The following HEATR5B variants were observed in gnomAD, a reference collection of about 807,000 sequenced individuals.
HEATR5B encodes HEAT repeat-containing protein 5B.
A neutral mutation model predicts 224.1 loss-of-function variants in HEATR5B; 156 were observed. The ratio of observed to expected loss-of-function variants is 0.70; its 90% CI spans 0.61 to 0.80. The LOEUF (loss-of-function observed/expected upper bound fraction) is 0.80, where lower values mean the gene tolerates loss of function less well. Among genes scored for constraint, HEATR5B ranks in the 30% least tolerant of loss-of-function variants. HEATR5B has a pLI of 0.00. For missense variants in HEATR5B, 2,323 were observed against 2,535.5 expected (o/e 0.92, Z 1.80); for synonymous variants, 1,027 against 893.0 (o/e 1.15, Z -2.68).
At chr2:36,991,245 G>A (rs1002700262) in intron 33 of HEATR5B, among the ~76,000 whole-genome samples, 1 of 151,940 alleles carries the variant, frequency 6.6e-6, no homozygotes, top group African/African-American at 2.4e-5. Context: ...TAAAAAAATC[G>A]GTTGGGTGCA....
chr2:37,010,990 G>A (rs1191307040), intron 27 of HEATR5B, among the ~76,000 whole-genome samples: 4 of 151,580 alleles, frequency 2.6e-5, no homozygotes, highest in Admixed American at 2.6e-4. Context: ...GAAGTAAAAA[G>A]GTGCTTAAGA....
intron 30 of HEATR5B, 70 bp from the exon 31 acceptor site, chr2:37,003,756 C>A: frequency 2.8e-6 from 3 of 1,074,450 alleles, no homozygotes; most frequent in Non-Finnish European, 3.8e-6. Context: ...TTGTTAAAAT[C>A]TGAGAAAATA....
intron 28 of HEATR5B, among the ~76,000 whole-genome samples, chr2:37,007,896 T>C (rs1245069102): frequency 6.6e-6 from 1 of 152,216 alleles, no homozygotes; most frequent in African/African-American, 2.4e-5. Flanking sequence ...CTCTTCATTG[T>C]TGCCAGTGGC....
At chr2:36,985,654 A>G (rs1665906074) in intron 35 of HEATR5B, among the ~76,000 whole-genome samples, 1 of 121,548 alleles carries the variant, frequency 8.2e-6, no homozygotes, top group African/African-American at 3.3e-5. Context: ...TTCAGTAGAG[A>G]CGGGGTTTCA....
chr2:36,985,445 GTGC>G (rs561944840), intron 35 of HEATR5B, among the ~76,000 whole-genome samples: 141 of 146,672 alleles, frequency 9.6e-4, no homozygotes, highest in Admixed American at 1.6e-3. Flanking sequence ...AATCACGATG[GTGC>G]TTTTTTTTGG....
At chr2:37,025,165 T>C (rs967219462) in intron 24 of HEATR5B, among the ~76,000 whole-genome samples, 4 of 152,072 alleles carry the variant, frequency 2.6e-5, no homozygotes, top group Non-Finnish European at 4.4e-5. Context: ...GCGGTGATGT[T>C]AGAAAGCATC....
intron 3 of HEATR5B, 109 bp downstream of exon 3, chr2:37,079,011 T>C (rs1166837758): frequency 1.3e-5 from 8 of 621,130 alleles, no homozygotes; most frequent in Non-Finnish European, 2.2e-5. Flanking sequence ...GTTAGCAGCA[T>C]GTCGCAGGTT....
chr2:37,056,302 T>C (rs1670908658), intron 16 of HEATR5B, 138 bp downstream of exon 16: 1 of 532,184 alleles, frequency 1.9e-6, no homozygotes, highest in East Asian at 3.3e-5. Flanking sequence ...GTCACTTACA[T>C]TAGTAAATCT....
chr2:37,057,276 T>A (rs1406103408), intron 15 of HEATR5B, 41 bp downstream of exon 15: 8 of 1,465,948 alleles, frequency 5.5e-6, no homozygotes, highest in Non-Finnish European at 7.4e-6. Context: ...GACCATTGTT[T>A]CAGATTAAGT....
intron 21 of HEATR5B, among the ~76,000 whole-genome samples, chr2:37,034,286 G>T (rs1429804661): frequency 6.7e-6 from 1 of 149,396 alleles, no homozygotes; most frequent in Non-Finnish European, 1.5e-5. Context: ...GATTACAGGC[G>T]TGAGCCACCG....
chr2:37,023,248 T>C (rs1296463064), intron 24 of HEATR5B, among the ~76,000 whole-genome samples: 3 of 152,118 alleles, frequency 2.0e-5, no homozygotes, highest in Non-Finnish European at 4.4e-5. Context: ...CAACACAAAT[T>C]ATCTAAAGAA....
At chr2:37,081,282 A>T (rs1186800467) in intron 2 of HEATR5B, among the ~76,000 whole-genome samples, 4 of 152,178 alleles carry the variant, frequency 2.6e-5, no homozygotes, top group African/African-American at 9.7e-5. Context: ...CAGGTTTGCT[A>T]CATATGTATA....
At chr2:37,036,809 G>C (rs571947261) in intron 21 of HEATR5B, among the ~76,000 whole-genome samples, 1 of 152,152 alleles carries the variant, frequency 6.6e-6, no homozygotes, top group South Asian at 2.1e-4. Context: ...ACTGCGCCTG[G>C]CCTTAAATAC....
At chr2:37,064,618 G>A (rs1572921666) in intron 10 of HEATR5B, 122 bp downstream of exon 10, 4 of 923,832 alleles carry the variant, frequency 4.3e-6, no homozygotes, top group Middle Eastern at 6.9e-4. Flanking sequence ...AGAACACTAT[G>A]TTTTATGATA....
intron 5 of HEATR5B, 152 bp downstream of exon 5, chr2:37,075,333 A>G (rs1672159643): frequency 1.8e-6 from 1 of 547,186 alleles, no homozygotes; most frequent in Non-Finnish European, 3.1e-6. Context: ...AGTACATCTC[A>G]TGATGTGATA....
chr2:37,063,522 A>C (rs1031191251), intron 10 of HEATR5B, among the ~76,000 whole-genome samples: 1 of 152,154 alleles, frequency 6.6e-6, no homozygotes, highest in Non-Finnish European at 1.5e-5. Flanking sequence ...TGGTATGAGG[A>C]AGATGGGACG....
chr2:37,059,655 G>C (rs548867331), intron 12 of HEATR5B, among the ~76,000 whole-genome samples: 4 of 151,328 alleles, frequency 2.6e-5, no homozygotes, highest in African/African-American at 9.7e-5. Context: ...GTAGAGACAA[G>C]GTTTCACCAT....
At chr2:37,017,340 C>G (rs1668181545) in intron 26 of HEATR5B, among the ~76,000 whole-genome samples, 1 of 151,192 alleles carries the variant, frequency 6.6e-6, no homozygotes, top group African/African-American at 2.4e-5. Flanking sequence ...GTGCAGTGAG[C>G]TGAGATCATG....
rs193206692 is a variant in HEATR5B at position 37,061,622 on chromosome 2, A to G, written c.1696+317T>C. Among the ~76,000 whole-genome samples, 306 of 152,294 alleles carry G rather than the reference A, an allele frequency of 2.0e-3. 2 individuals carry two copies. Among genetic ancestry groups the G allele is most frequent in the African/African-American group, 5.8e-3 (243 of 41,560 alleles). ...GACTTTACCACTCTTCTAAAATCAC[A>G]CTGCTGGTTTTCACTTAGGGTATGA... On this transcript the variant is annotated intron_variant, in intron 11 of 35. Transcript: ENST00000233099.
Sources: gnomAD v4.1 joint callset for allele counts (sites outside exome capture counted in the v4.1 genomes callset) on GRCh38, gnomAD v4.1.1 for gene constraint, MANE v1.5 for transcripts, NCBI Gene and HGNC (gene_info 2026-07-23, HGNC 2026-07-21) for gene names.